The following CNTN5 variants were observed in gnomAD, a reference collection of about 807,000 sequenced individuals.
The protein encoded by CNTN5 is contactin 5.
A neutral mutation model predicts 129.1 loss-of-function variants in CNTN5; 77 were observed. That is an observed-to-expected ratio of 0.60 (90% CI 0.50 to 0.72). The LOEUF is 0.72. Among genes scored for constraint, CNTN5 ranks in the 30% least tolerant of loss-of-function variants. CNTN5 has a pLI of 0.00. For synonymous variants in CNTN5, 509 were observed against 465.6 expected (o/e 1.09, Z -1.20); for missense variants, 1,478 against 1,328.8 (o/e 1.11, Z -1.75).
chr11:99,307,102 G>A (rs1192085464), intron 1 of CNTN5, among the ~76,000 whole-genome samples: 3 of 152,116 alleles, frequency 2.0e-5, no homozygotes, highest in Admixed American at 2.0e-4. Context: ...AACATGAATT[G>A]TTGTATGGTC....
intron 2 of CNTN5, among the ~76,000 whole-genome samples, chr11:99,366,198 CCTGG>C (rs1565524661): frequency 6.6e-6 from 1 of 152,040 alleles, no homozygotes; most frequent in African/African-American, 2.4e-5. Context: ...TAATGCCTTG[CCTGG>C]AAAATCTTTT....
chr11:99,984,553 T>C (rs1157362034), intron 8 of CNTN5, among the ~76,000 whole-genome samples: 2 of 152,006 alleles, frequency 1.3e-5, no homozygotes. Flanking sequence ...GGGGGTTGGC[T>C]TCTGGTTTTT....
intron 3 of CNTN5, among the ~76,000 whole-genome samples, chr11:99,592,618 G>A (rs1462711141): frequency 1.3e-5 from 2 of 151,440 alleles, no homozygotes; most frequent in African/African-American, 4.9e-5. Context: ...CTGTTGAAGC[G>A]TTCAAAAAAT....
intron 9 of CNTN5, among the ~76,000 whole-genome samples, chr11:100,013,531 A>G (rs569426864): frequency 1.3e-5 from 2 of 152,284 alleles, no homozygotes; most frequent in East Asian, 3.9e-4. Context: ...CTTGTCCTGG[A>G]TGGTTTCCAT....
chr11:99,738,345 C>CA (rs1292992949), intron 3 of CNTN5, among the ~76,000 whole-genome samples: 1 of 152,086 alleles, frequency 6.6e-6, no homozygotes, highest in East Asian at 1.9e-4. Flanking sequence ...CCAAACCTGT[C>CA]AACATCTTGA....
intron 13 of CNTN5, among the ~76,000 whole-genome samples, chr11:100,108,438 G>A (rs1481569071): frequency 3.9e-5 from 6 of 152,036 alleles, no homozygotes; most frequent in African/African-American, 1.4e-4. Context: ...GAAAAGAAAG[G>A]GTCAAATGGG....
intron 17 of CNTN5, among the ~76,000 whole-genome samples, chr11:100,259,928 C>A (rs1397953893): frequency 6.6e-6 from 1 of 151,342 alleles, no homozygotes; most frequent in Non-Finnish European, 1.5e-5. Flanking sequence ...TAGCAGAAGA[C>A]AAGAAATAAC....
intron 18 of CNTN5, among the ~76,000 whole-genome samples, chr11:100,294,860 A>G (rs1951070229): frequency 6.6e-6 from 1 of 151,594 alleles, no homozygotes. Flanking sequence ...CCATCAGTGC[A>G]GAGATAATAA....
Position 100,237,186 on chromosome 11 carries a change from C to CT in CNTN5, c.2005+12375dup, listed in dbSNP as rs1461062107. On this transcript the variant is annotated intron_variant, in intron 16 of 24. Coordinates refer to ENST00000524871, the MANE Select transcript of CNTN5 (RefSeq NM_014361.4). ...CCTGGGCGACAGAGCAAGACTCCGT[C>CT]TCAAAAAAAAAAAAAAAAAAAAGAA... is the stretch of plus-strand genomic sequence containing the variant. 2.0e-3 allele frequency among the ~76,000 whole-genome samples: 223 copies of CT among 112,820 alleles called. 3 individuals are homozygous for CT. Among genetic ancestry groups the CT allele is most frequent in the African/African-American group, 7.9e-3 (212 of 26,880 alleles). The allele number at this position is 112,820 out of a possible 152,430, so 74.0% of individuals were successfully genotyped here.
intron 3 of CNTN5, among the ~76,000 whole-genome samples, chr11:99,684,763 C>T (rs1041398638): frequency 1.1e-4 from 16 of 151,670 alleles, no homozygotes; most frequent in African/African-American, 3.6e-4. Flanking sequence ...TATTAATATC[C>T]TTTCCTGTTA....
rs1946004970 is a variant in CNTN5 at position 99,490,784 on chromosome 11, C to T, written c.-70-65361C>T. Among the ~76,000 whole-genome samples, 4 of 152,216 alleles carry T rather than the reference C, an allele frequency of 2.6e-5. No homozygotes were observed. In the South Asian group the frequency reaches 8.3e-4, roughly 32 times the overall value. Reference sequence around the variant, plus strand: ...AAGTGGAACAGTTTATCCATGGTTTCCTATCTCTCATTGATAAAAGTTTTG... The same window carrying T: ...AAGTGGAACAGTTTATCCATGGTTTTCTATCTCTCATTGATAAAAGTTTTG... On this transcript the variant is annotated intron_variant, in intron 2 of 24. Transcript: ENST00000524871.
chr11:99,755,677 T>C (rs906192006), intron 3 of CNTN5, among the ~76,000 whole-genome samples: 2 of 152,114 alleles, frequency 1.3e-5, no homozygotes, highest in African/African-American at 2.4e-5. Flanking sequence ...ATTCTCACTT[T>C]CCTGCAAGTG....
intron 3 of CNTN5, among the ~76,000 whole-genome samples, chr11:99,689,177 G>A (rs1420759210): frequency 2.0e-5 from 3 of 152,026 alleles, no homozygotes; most frequent in Non-Finnish European, 2.9e-5. Flanking sequence ...CTGAGAAATC[G>A]CCACACTGTC....
At chr11:100,285,808 A>G (rs1247557348) in intron 18 of CNTN5, among the ~76,000 whole-genome samples, 1 of 152,222 alleles carries the variant, frequency 6.6e-6, no homozygotes, top group Non-Finnish European at 1.5e-5. Flanking sequence ...TGAGCGACGC[A>G]GAAGACGGGT....
intron 3 of CNTN5, among the ~76,000 whole-genome samples, chr11:99,746,435 G>T (rs114720814): frequency 3.3e-5 from 5 of 152,082 alleles, no homozygotes; most frequent in Non-Finnish European, 4.4e-5. Flanking sequence ...CTACATGAAG[G>T]GTCCTCCACC....
intron 3 of CNTN5, among the ~76,000 whole-genome samples, chr11:99,643,904 G>A (rs1321995604): frequency 4.6e-5 from 7 of 151,844 alleles, no homozygotes; most frequent in African/African-American, 1.5e-4. Context: ...AATATATGTG[G>A]CTTTAACAAA....
intron 21 of CNTN5, chr11:100,309,789 GGA>G: frequency 2.8e-5 from 21 of 742,516 alleles, no homozygotes; most frequent in Non-Finnish European, 3.5e-5. Flanking sequence ...TATGGAGGAG[GGA>G]CACGTGCCTC....
At chr11:99,253,801 C>T (rs1293990729) in intron 1 of CNTN5, among the ~76,000 whole-genome samples, 1 of 150,948 alleles carries the variant, frequency 6.6e-6, no homozygotes, top group African/African-American at 2.4e-5. Context: ...GTTTACTTTG[C>T]ACCCAGCAAC....
chr11:99,144,225 A>C (rs1416035031), intron 1 of CNTN5, among the ~76,000 whole-genome samples: 1 of 152,208 alleles, frequency 6.6e-6, no homozygotes, highest in Non-Finnish European at 1.5e-5. Context: ...CAAATTGAGA[A>C]TTTGAATTAA....
Sources: allele counts gnomAD v4.1 joint callset (sites outside exome capture counted in the v4.1 genomes callset), GRCh38; gene constraint gnomAD v4.1.1; transcripts MANE v1.5; gene names NCBI Gene and HGNC (gene_info 2026-07-23, HGNC 2026-07-21).